The following PBX1 variants were observed in gnomAD, a reference collection of about 807,000 sequenced individuals.
PBX1 encodes pre-B-cell leukemia transcription factor 1.
In PBX1, 6 loss-of-function variants were observed where a neutral mutation model predicts 53.4. The observed-to-expected ratio is 0.11, with a 90% CI of 0.06 to 0.22. The LOEUF (loss-of-function observed/expected upper bound fraction) is 0.22. Ranked by LOEUF, PBX1 falls within the 10% of genes least tolerant of loss-of-function variation. The pLI is 1.00. For missense variants in PBX1, 251 were observed against 551.4 expected (o/e 0.46, Z 5.46); for synonymous variants, 204 against 212.3 (o/e 0.96, Z 0.34).
intron 8 of PBX1, among the ~76,000 whole-genome samples, chr1:164,837,100 T>C (rs935801479): frequency 6.6e-6 from 1 of 152,160 alleles, no homozygotes; most frequent in Non-Finnish European, 1.5e-5. Flanking sequence ...TCCTGTGTGA[T>C]GGTAAATAGC....
At chr1:164,668,650 C>A (rs1316707136) in intron 2 of PBX1, among the ~76,000 whole-genome samples, 1 of 152,212 alleles carries the variant, frequency 6.6e-6, no homozygotes, top group African/African-American at 2.4e-5. Context: ...TACTCTTCCC[C>A]TTTCGCCTTA....
At chr1:164,763,718 T>C (rs1294380967) in intron 2 of PBX1, among the ~76,000 whole-genome samples, 1 of 152,218 alleles carries the variant, frequency 6.6e-6, no homozygotes, top group Non-Finnish European at 1.5e-5. Flanking sequence ...AAATGTTTGC[T>C]GTATTGGGTG....
At chr1:164,832,115 G>A (rs759455734) in intron 8 of PBX1, among the ~76,000 whole-genome samples, 9 of 152,166 alleles carry the variant, frequency 5.9e-5, no homozygotes, top group Admixed American at 3.9e-4. Context: ...GCCTTTTGCC[G>A]TTTCTCCCCT....
At chr1:164,709,393 A>G (rs548257295) in intron 2 of PBX1, among the ~76,000 whole-genome samples, 2 of 152,340 alleles carry the variant, frequency 1.3e-5, no homozygotes, top group South Asian at 4.1e-4. Flanking sequence ...AACAGAAAGC[A>G]TAAGAAAACA....
At chr1:164,640,041 G>A (rs1256231408) in intron 2 of PBX1, among the ~76,000 whole-genome samples, 2 of 152,244 alleles carry the variant, frequency 1.3e-5, no homozygotes, top group East Asian at 1.9e-4. Context: ...AGAGGGGCTG[G>A]AGTAGGTAGA....
At chr1:164,668,448 T>C (rs1344983135) in intron 2 of PBX1, among the ~76,000 whole-genome samples, 2 of 142,616 alleles carry the variant, frequency 1.4e-5, no homozygotes, top group Non-Finnish European at 3.1e-5. Context: ...CCACCCCACC[T>C]CCACCATGAC....
chr1:164,738,098 T>G (rs149066506), intron 2 of PBX1, among the ~76,000 whole-genome samples: 1 of 152,188 alleles, frequency 6.6e-6, no homozygotes, highest in South Asian at 2.1e-4. Context: ...GTTTGTTGTT[T>G]CTGAGTAGTA....
chr1:164,847,148 G>A lies in PBX1; in HGVS notation c.*472G>A, dbSNP rs1671615790. The A allele has an allele frequency of 4.6e-6, 5 of 1,087,516 alleles. No homozygotes were observed. The African/African-American group carries it at 8.0e-5, about 17-fold the overall frequency. 67.4% of individuals were successfully genotyped at this position (1,087,516 alleles called of 1,614,324 possible). On this transcript the variant is annotated 3_prime_UTR_variant, in exon 9 of 9. Coordinates refer to ENST00000420696, the MANE Select transcript of PBX1 (RefSeq NM_002585.4). Reference sequence around the variant, plus strand: ...CTATGTTAACAGGCAATCCTTCTCTGTTTCTCTTATTACTCTCACTACCTC... The same window carrying A: ...CTATGTTAACAGGCAATCCTTCTCTATTTCTCTTATTACTCTCACTACCTC...
chr1:164,857,079 GA>G (rs1463135984), intron 2 of PBX1, among the ~76,000 whole-genome samples: 1 of 152,066 alleles, frequency 6.6e-6, no homozygotes, highest in African/African-American at 2.4e-5. Flanking sequence ...CAACTACCCG[GA>G]ATTAGCTTCA....
chr1:164,819,866 A>C (rs1157670676), intron 6 of PBX1: 1 of 481,426 alleles, frequency 2.1e-6, no homozygotes, highest in African/African-American at 2.0e-5. Flanking sequence ...GCAGTAAGGT[A>C]TGGCTTCACA....
At chr1:164,782,606 G>A (rs1473376024) in intron 2 of PBX1, among the ~76,000 whole-genome samples, 2 of 152,236 alleles carry the variant, frequency 1.3e-5, no homozygotes, top group East Asian at 3.8e-4. Context: ...AAATATTCCT[G>A]TGGGAGCAAA....
chr1:164,719,870 G>A (rs558814648), intron 2 of PBX1, among the ~76,000 whole-genome samples: 48 of 152,226 alleles, frequency 3.2e-4, no homozygotes, highest in African/African-American at 1.2e-3. Context: ...GAGCAATGTG[G>A]ACATGGCAAG....
chr1:164,855,173 T>C (rs1038304433), downstream of PBX1, among the ~76,000 whole-genome samples: 3 of 152,142 alleles, frequency 2.0e-5, no homozygotes, highest in African/African-American at 7.2e-5. Flanking sequence ...CTCGAACTCC[T>C]GGGTTCAAGC....
chr1:164,658,440 T>C (rs1310888902), intron 2 of PBX1, among the ~76,000 whole-genome samples: 3 of 152,194 alleles, frequency 2.0e-5, no homozygotes, highest in Non-Finnish European at 4.4e-5. Flanking sequence ...TACAGATAAT[T>C]ACTAGAGATA....
chr1:164,561,569 G>T (rs1371687077), intron 1 of PBX1, among the ~76,000 whole-genome samples: 4 of 152,178 alleles, frequency 2.6e-5, no homozygotes, highest in Non-Finnish European at 4.4e-5. Flanking sequence ...CTATTATATT[G>T]TTCTAGAAGA....
rs1333202615 is a variant in PBX1 at position 164,634,861 on chromosome 1, C to A, written c.265+71550C>A. Among the ~76,000 whole-genome samples the A allele has an allele frequency of 5.9e-5, 9 of 152,084 alleles. No individual in the cohort carries two copies. The East Asian group carries it at 1.7e-3, about 30-fold the overall frequency. On this transcript the variant is annotated intron_variant, in intron 2 of 8. Coordinates refer to ENST00000420696, the MANE Select transcript of PBX1 (RefSeq NM_002585.4). ...TGAGGGTGGGGCCTTTTGGAGAGTG[C>A]CAGGTTTCACCAACTATGTGCACGT...
chr1:164,783,770 C>T (rs371067790), intron 2 of PBX1, among the ~76,000 whole-genome samples: 8 of 151,940 alleles, frequency 5.3e-5, no homozygotes, highest in Non-Finnish European at 1.2e-4. Context: ...GAAGAAAGCT[C>T]GTGCCCATAC....
intron 2 of PBX1, among the ~76,000 whole-genome samples, chr1:164,616,112 T>C (rs1338304048): frequency 6.6e-6 from 1 of 152,192 alleles, no homozygotes; most frequent in Non-Finnish European, 1.5e-5. Flanking sequence ...AGTCTCTCTC[T>C]CTCTCTCCAC....
At chr1:164,815,105 G>A (rs1433595819) in intron 6 of PBX1, 1 of 152,108 alleles carries the variant, frequency 6.6e-6, no homozygotes, top group Non-Finnish European at 1.5e-5. Flanking sequence ...TTAAAACCTG[G>A]GGTCTATAAT....
Sources: gnomAD v4.1 joint callset for allele counts (sites outside exome capture counted in the v4.1 genomes callset) on GRCh38, gnomAD v4.1.1 for gene constraint, MANE v1.5 for transcripts, NCBI Gene and HGNC (gene_info 2026-07-23, HGNC 2026-07-21) for gene names.